PRDM9: variants seen among roughly 807,000 people sequenced by gnomAD.
PRDM9 encodes the protein PR/SET domain 9.
In PRDM9, 47 loss-of-function variants were observed where a neutral mutation model predicts 55.6. That is an observed-to-expected ratio of 0.85 (90% confidence interval 0.67 to 1.08). The LOEUF is 1.08. Among genes scored for constraint, PRDM9 ranks in the 50% least tolerant of loss-of-function variants. PRDM9 has a pLI of 0.00. For missense variants in PRDM9, 867 were observed against 1,040.3 expected (o/e 0.83, Z 2.29); for synonymous variants, 312 against 375.7 (o/e 0.83, Z 1.96).
chr5:23,516,477 A>T (rs574433261), intron 4 of PRDM9, among the ~76,000 whole-genome samples: 22 of 151,392 alleles, frequency 1.5e-4, no homozygotes, highest in Non-Finnish European at 2.8e-4. Flanking sequence ...GGTTCACGCC[A>T]TTCTCCTGCC....
At chr5:23,517,039 G>A (rs1259419887) in intron 4 of PRDM9, among the ~76,000 whole-genome samples, 1 of 150,376 alleles carries the variant, frequency 6.6e-6, no homozygotes, top group Non-Finnish European at 1.5e-5. Context: ...TGTAGTCCCA[G>A]CTACTCAGGA....
At chr5:23,515,891 C>T (rs754555156) in intron 4 of PRDM9, among the ~76,000 whole-genome samples, 43 of 152,164 alleles carry the variant, frequency 2.8e-4, no homozygotes, top group Non-Finnish European at 5.1e-4. Context: ...TATACCAGTA[C>T]CACACTTTTC....
chr5:23,521,018 TA>T lies in PRDM9; in HGVS notation c.352-2del, dbSNP rs1739316391. On this transcript the variant is annotated splice_polypyrimidine_tract_variant and splice_region_variant and intron_variant, in intron 5 of 10. Transcript: ENST00000296682. ...GTCTTTTAATATGTGACTCTCACATTAAAGGGAATGCCCAAGGCGTCATTCA... is the reference window on the plus strand; with the variant it reads ...GTCTTTTAATATGTGACTCTCACATTAAGGGAATGCCCAAGGCGTCATTCA... 2 of 1,613,936 alleles carry T rather than the reference TA, an allele frequency of 1.2e-6. No homozygotes were observed. Among genetic ancestry groups the T allele is most frequent in the Admixed American group, 3.3e-5 (2 of 59,996 alleles).
chr5:23,527,664 C>T lies in PRDM9; in HGVS notation c.2576C>T (p.Pro859Leu). ...RHQRTHTGEKPYVCRECGRGF... is the reference protein window; with the variant it reads ...RHQRTHTGEKLYVCRECGRGF... ...CAGAGGACACACACAGGGGAGAAGCCCTACGTCTGCAGGGAGTGTGGGCGG... is the reference window on the plus strand; with the variant it reads ...CAGAGGACACACACAGGGGAGAAGCTCTACGTCTGCAGGGAGTGTGGGCGG... The change falls in exon 11 of 11, where the codon CCC (proline) becomes CTC (leucine). Residue 859 changes from proline to leucine, a missense_variant. Transcript: ENST00000296682. The T allele has an allele frequency of 2.0e-6, 3 of 1,519,702 alleles. No homozygotes were observed. The highest frequency in any genetic ancestry group is 2.7e-6 in the Non-Finnish European group (3 of 1,125,028). 94.1% of individuals were successfully genotyped at this position (1,519,702 alleles called of 1,614,324 possible).
At chr5:23,523,151 A>G (rs1739367819) in intron 8 of PRDM9, 140 bp from the exon 9 acceptor site, 3 of 1,130,290 alleles carry the variant, frequency 2.7e-6, no homozygotes, top group Non-Finnish European at 4.0e-6. Context: ...TAGATAGATG[A>G]TGACTAAGGT....
At chr5:23,514,903 T>C (rs957547432) in intron 4 of PRDM9, among the ~76,000 whole-genome samples, 1 of 152,176 alleles carries the variant, frequency 6.6e-6, no homozygotes, top group South Asian at 2.1e-4. Context: ...CCACTCATTA[T>C]TTAATTATTT....
At chr5:23,513,597 C>A (rs1179051158) in intron 4 of PRDM9, among the ~76,000 whole-genome samples, 1 of 152,014 alleles carries the variant, frequency 6.6e-6, no homozygotes, top group African/African-American at 2.4e-5. Context: ...ATTACCCACT[C>A]TGGGCCAGGC....
At chr5:23,512,855 A>G (rs1206787452) in intron 4 of PRDM9, among the ~76,000 whole-genome samples, 1 of 152,186 alleles carries the variant, frequency 6.6e-6, no homozygotes, top group Non-Finnish European at 1.5e-5. Flanking sequence ...CCTCATATAC[A>G]TGGAATCAGC....
chr5:23,523,625 A>G (rs933717331), intron 9 of PRDM9, among the ~76,000 whole-genome samples: 1 of 152,122 alleles, frequency 6.6e-6, no homozygotes, highest in Non-Finnish European at 1.5e-5. Context: ...TTCACGGGGG[A>G]CTCTGAATTC....
In PRDM9 at chr5:23,527,954, A is replaced by T; in HGVS notation, c.*181A>T. On this transcript the variant is annotated 3_prime_UTR_variant, in exon 11 of 11. Transcript: ENST00000296682. ...AAATCCGCCACTTTCATGACTAGAG[A>T]TGAGGAAGAACAAGGGATAGTTCTG... 1 of 823,394 alleles carries T rather than the reference A, an allele frequency of 1.2e-6. No homozygotes were observed. Among genetic ancestry groups the T allele is most frequent in the South Asian group, 1.6e-5 (1 of 60,840 alleles). 51.0% of individuals were successfully genotyped at this position (823,394 alleles called of 1,614,324 possible).
At chr5:23,509,267 A>C (rs544454375) in intron 2 of PRDM9, among the ~76,000 whole-genome samples, 165 bp downstream of exon 2, 1 of 152,274 alleles carries the variant, frequency 6.6e-6, no homozygotes, top group African/African-American at 2.4e-5. Context: ...AGCATCAGCG[A>C]CTGCTCTGTG....
At chr5:23,523,998 AAAACAGAATTAATTTAGAGTTTAGAG>A (rs1739383441) in intron 9 of PRDM9, among the ~76,000 whole-genome samples, 1 of 152,196 alleles carries the variant, frequency 6.6e-6, no homozygotes, top group African/African-American at 2.4e-5. Context: ...TCTGTGGTAT[AAAACAGAATTAATTTAGAGTTTAGAG>A]AAGCTAGAAG....
intron 10 of PRDM9, among the ~76,000 whole-genome samples, chr5:23,524,850 C>T (rs1739402379): frequency 6.6e-6 from 1 of 152,158 alleles, no homozygotes; most frequent in Admixed American, 6.5e-5. Flanking sequence ...TTTCTTCTGG[C>T]ATTTCCTTGA....
intron 5 of PRDM9, 133 bp from the exon 6 acceptor site, chr5:23,520,890 C>G: frequency 9.5e-7 from 1 of 1,057,120 alleles, no homozygotes; most frequent in Non-Finnish European, 1.4e-6. Context: ...TCTTTTCCCT[C>G]TAGTATTTAG....
chr5:23,515,735 T>C (rs542180540), intron 4 of PRDM9, among the ~76,000 whole-genome samples: 1 of 152,352 alleles, frequency 6.6e-6, no homozygotes. Context: ...CATATGTATA[T>C]CCAATTTTCC....
Position 23,526,932 on chromosome 5 carries a change from G to C in PRDM9, c.1844G>C (p.Arg615Pro), listed in dbSNP as rs771579910. The C allele has an allele frequency of 2.5e-6, 4 of 1,596,444 alleles. No individual in the cohort carries two copies. The highest frequency in any genetic ancestry group is 3.4e-6 in the Non-Finnish European group (4 of 1,175,034). Residue 615 changes from arginine (R) to proline (P), a missense_variant, in exon 11 of 11, where the codon CGG (arginine) becomes CCG (proline). Physicochemically the swap from Arg to Pro is moderately radical, Grantham distance 103. Transcript: ENST00000296682. ...EKPYVCRECG[R>P]GFSRQSVLLT... is the part of the protein sequence containing the mutation. ...CCCTATGTCTGCAGGGAGTGTGGGC[G>C]GGGCTTTAGCCGGCAGTCAGTCCTC...
intron 3 of PRDM9, 61 bp downstream of exon 3, chr5:23,509,654 A>G (rs1250435980): frequency 6.2e-6 from 10 of 1,612,102 alleles, no homozygotes; most frequent in Non-Finnish European, 7.6e-6. Context: ...TTTGGTCCCT[A>G]TATTATTTTA....
At position 23,509,501 on chromosome 5, in the gene PRDM9, A is replaced by G. The variant is rs571933768; in HGVS notation, c.101A>G (p.Tyr34Cys). Residue 34 changes from tyrosine (Y) to cysteine (C), a missense_variant, in exon 3 of 11, where the codon TAC becomes TGC. Around this residue, in one of 5 missense-constraint regions of PRDM9, gnomAD observed 662 missense variants for 711.9 expected, o/e 0.93. Transcript: ENST00000296682. ...GATGCCTTCAAAGACATTTCCATATACTTCACCAAGGAAGAATGGGCAGAG... is the reference window on the plus strand; with the variant it reads ...GATGCCTTCAAAGACATTTCCATATGCTTCACCAAGGAAGAATGGGCAGAG... ...VKDAFKDISI[Y>C]FTKEEWAEMG... 6.2e-7 allele frequency: 1 copy of G among 1,614,044 alleles called. No homozygotes were observed. Among genetic ancestry groups the G allele is most frequent in the Non-Finnish European group, 8.5e-7 (1 of 1,180,038 alleles).
At chr5:23,513,870 C>T (rs541082997) in intron 4 of PRDM9, among the ~76,000 whole-genome samples, 19 of 152,104 alleles carry the variant, frequency 1.2e-4, no homozygotes, top group African/African-American at 3.6e-4. Context: ...CAGAACGAGA[C>T]GCCGTGTCAA....
Sources: allele counts gnomAD v4.1 joint callset (sites outside exome capture counted in the v4.1 genomes callset), GRCh38; gene constraint gnomAD v4.1.1; regional missense constraint gnomAD v4.1.1; transcripts MANE v1.5; gene names NCBI Gene and HGNC (gene_info 2026-07-23, HGNC 2026-07-21).